Variants in ZP3 observed in about 807,000 individuals in gnomAD.
ZP3 encodes the protein zona pellucida sperm-binding protein 3.
ZP3 carries 21 observed loss-of-function variants against 35.6 expected under a neutral mutation model. That is an observed-to-expected ratio of 0.59 (90% CI 0.42 to 0.85). ZP3 has a LOEUF of 0.85. Among genes scored for constraint, ZP3 ranks in the 40% least tolerant of loss-of-function variants. ZP3 has a pLI of 0.00. For missense variants in ZP3, 437 were observed against 536.5 expected (o/e 0.81, Z 1.83); for synonymous variants, 207 against 214.5 (o/e 0.96, Z 0.31).
At chr7:76,429,666 C>G in intron 2 of ZP3, 33 bp downstream of exon 2, 1 of 1,588,656 alleles carries the variant, frequency 6.3e-7, no homozygotes, top group Non-Finnish European at 8.6e-7. Context: ...GCCCCTGGTG[C>G]AAAAGCCCCT....
chr7:76,420,936 C>CTTTT (rs547626231), upstream of ZP3, among the ~76,000 whole-genome samples: 2 of 139,580 alleles, frequency 1.4e-5, no homozygotes, highest in Non-Finnish European at 3.1e-5. Context: ...TGTGTCTCCA[C>CTTTT]TTTTTTTTTT....
rs1584029480 is a variant in ZP3, at chr7:76,402,703, C to T, written c.-67+4906C>T. 2.6e-5 allele frequency among the ~76,000 whole-genome samples: 4 copies of T among 152,134 alleles called. 1 individual carries two copies. Among genetic ancestry groups the T allele is most frequent in the Admixed American group, 2.6e-4 (4 of 15,258 alleles). ...GTTTTTCTTGAGACGGAATTTCGCT[C>T]TTGTTGCCCAGGCTAGAGTGCAATG... On this transcript the variant is annotated intron_variant, in intron 1 of 8. Transcript: ENST00000336517.
upstream of ZP3, among the ~76,000 whole-genome samples, chr7:76,422,256 G>A (rs1272466374): frequency 6.6e-6 from 1 of 151,852 alleles, no homozygotes; most frequent in Non-Finnish European, 1.5e-5. Context: ...TCTCAGCCTG[G>A]CACCCACAGG....
At chr7:76,421,037 G>A (rs2115866934), upstream of ZP3, among the ~76,000 whole-genome samples, 1 of 151,940 alleles carries the variant, frequency 6.6e-6, no homozygotes. Flanking sequence ...CCAGGTTCAA[G>A]TGATTCTCTT....
chr7:76,397,589 G>T (rs1195386043), exon 1 of ZP3: 1 of 1,610,778 alleles, frequency 6.2e-7, no homozygotes, highest in Non-Finnish European at 8.5e-7. Flanking sequence ...CTGGCAGGCT[G>T]CCAGGCGGGG....
At chr7:76,400,305 A>T (rs1804774699) in intron 1 of ZP3, 1 of 1,496,460 alleles carries the variant, frequency 6.7e-7, no homozygotes. Flanking sequence ...GGACAGCCAC[A>T]TCCTCGTAGT....
rs76269881 is a variant in ZP3, at chr7:76,406,268, G to A, written c.-67+8471G>A. ...GCTGGGATTACAGGCATGAGCCACC[G>A]CACCTGGTCTGTGCATTCGAAATAT... On this transcript the variant is annotated intron_variant, in intron 1 of 8. Transcript: ENST00000336517. 4.6e-3 allele frequency among the ~76,000 whole-genome samples: 699 copies of A among 152,178 alleles called. 8 individuals are homozygous for A. Among genetic ancestry groups the A allele is most frequent in the African/African-American group, 0.016 (650 of 41,528 alleles).
chr7:76,427,717 C>A (rs1296842597), intron 1 of ZP3, among the ~76,000 whole-genome samples: 1 of 152,228 alleles, frequency 6.6e-6, no homozygotes, highest in Middle Eastern at 3.4e-3. Flanking sequence ...CCCTGAAGAT[C>A]GAGTTTGGTC....
rs1400546114 is a variant in ZP3, at chr7:76,433,398, A to C, written c.536-72A>C. The C allele has an allele frequency of 4.6e-6, 7 of 1,517,910 alleles. No individual in the cohort carries two copies. The African/African-American group carries it at 6.9e-5, about 15-fold the overall frequency. The allele number at this position is 1,517,910 out of a possible 1,614,324, so 94.0% of individuals were successfully genotyped here. ...TCGAACTCCTGACCTCAGGTGATCC[A>C]CCTGCCTCAGCCTCCCAAGGTGCTG... On this transcript the variant is annotated intron_variant, in intron 3 of 7. Coordinates refer to ENST00000394857, the MANE Select transcript of ZP3 (RefSeq NM_001110354.2).
At chr7:76,416,507 G>C (rs1476868657) in intron 1 of ZP3, among the ~76,000 whole-genome samples, 1 of 151,308 alleles carries the variant, frequency 6.6e-6, no homozygotes, top group Non-Finnish European at 1.5e-5. Context: ...GGTGAAACAG[G>C]CTATAAATTT....
chr7:76,408,989 C>T (rs1210776437), intron 1 of ZP3, among the ~76,000 whole-genome samples: 1 of 152,190 alleles, frequency 6.6e-6, no homozygotes, highest in South Asian at 2.1e-4. Flanking sequence ...TCGTGATCCA[C>T]TTACCCCTTA....
intron 5 of ZP3, 65 bp downstream of exon 5, chr7:76,434,220 C>G: frequency 3.1e-6 from 2 of 651,362 alleles, no homozygotes; most frequent in Non-Finnish European, 5.1e-6. Context: ...TGAATGGGGT[C>G]ACTCACTAGC....
At chr7:76,433,861 G>A in intron 4 of ZP3, 177 bp from the exon 5 acceptor site, 2 of 1,133,870 alleles carry the variant, frequency 1.8e-6, no homozygotes, top group Non-Finnish European at 1.3e-6. Flanking sequence ...ACCATGCCTG[G>A]CTAATTTTTG....
At chr7:76,412,282 A>G (rs2115840491) in intron 1 of ZP3, among the ~76,000 whole-genome samples, 1 of 152,244 alleles carries the variant, frequency 6.6e-6, no homozygotes, top group Non-Finnish European at 1.5e-5. Context: ...ATAATGAGTA[A>G]AAAAAGCTAG....
At chr7:76,400,167 C>G in intron 1 of ZP3, 1 of 1,161,248 alleles carries the variant, frequency 8.6e-7, no homozygotes, top group Non-Finnish European at 1.1e-6. Flanking sequence ...GCATTGTAGC[C>G]TCTGGCCTGA....
At chr7:76,408,431 G>A (rs1224791681) in intron 1 of ZP3, among the ~76,000 whole-genome samples, 2 of 152,056 alleles carry the variant, frequency 1.3e-5, no homozygotes, top group Non-Finnish European at 2.9e-5. Flanking sequence ...TTGTGGGGGG[G>A]CACATAGTTA....
intron 1 of ZP3, among the ~76,000 whole-genome samples, chr7:76,418,943 T>C (rs1280257095): frequency 6.6e-6 from 1 of 152,200 alleles, no homozygotes; most frequent in Non-Finnish European, 1.5e-5. Context: ...TTGGGTGTTG[T>C]TAACTCAAAC....
At chr7:76,412,604 C>T (rs907166334) in intron 1 of ZP3, among the ~76,000 whole-genome samples, 3 of 152,158 alleles carry the variant, frequency 2.0e-5, no homozygotes, top group African/African-American at 4.8e-5. Flanking sequence ...AATCCCAGCA[C>T]TTTGGGAGGT....
At chr7:76,415,693 C>T in intron 1 of ZP3, among the ~76,000 whole-genome samples, 1 of 149,822 alleles carries the variant, frequency 6.7e-6, no homozygotes, top group Non-Finnish European at 1.5e-5. Flanking sequence ...GATGGGGTTT[C>T]ACCATGTTAG....
Sources: gnomAD v4.1 joint callset for allele counts (sites outside exome capture counted in the v4.1 genomes callset) on GRCh38, gnomAD v4.1.1 for gene constraint, MANE v1.5 for transcripts, NCBI Gene and HGNC (gene_info 2026-07-23, HGNC 2026-07-21) for gene names.